Variants in DYSF observed in about 807,000 individuals in gnomAD.
DYSF encodes the protein dysferlin, also known as dystrophy-associated fer-1-like 1.
DYSF carries 212 observed loss-of-function variants against 274.9 expected under a neutral mutation model. The ratio of observed to expected loss-of-function variants is 0.77; its 90% CI spans 0.69 to 0.86. The LOEUF (loss-of-function observed/expected upper bound fraction) is 0.86. Ranked by LOEUF, DYSF falls within the 40% of genes least tolerant of loss-of-function variation. The pLI is 0.00. For missense variants in DYSF, 2,666 were observed against 2,783.2 expected (o/e 0.96, Z 0.95); for synonymous variants, 1,091 against 1,078.7 (o/e 1.01, Z -0.22).
At chr2:71,486,348 A>G (rs1161518499) in intron 3 of DYSF, among the ~76,000 whole-genome samples, 1 of 148,668 alleles carries the variant, frequency 6.7e-6, no homozygotes, top group East Asian at 2.0e-4. Context: ...GGCCTCCCTC[A>G]TTCTTTACAG....
chr2:71,484,016 A>G (rs894041771), intron 3 of DYSF, among the ~76,000 whole-genome samples: 8 of 119,098 alleles, frequency 6.7e-5, no homozygotes, highest in African/African-American at 2.5e-4. Context: ...CTTATTCAGC[A>G]TTTTTACAGG....
At chr2:71,684,795 G>A (rs757970694) in intron 55 of DYSF, among the ~76,000 whole-genome samples, 2 of 152,190 alleles carry the variant, frequency 1.3e-5, no homozygotes, top group African/African-American at 2.4e-5. Context: ...GAGCTCTGTC[G>A]CTGGAGTCAG....
intron 16 of DYSF, among the ~76,000 whole-genome samples, chr2:71,536,962 AAAACC>A (rs1327660237): frequency 1.3e-5 from 2 of 152,102 alleles, no homozygotes; most frequent in African/African-American, 4.8e-5. Context: ...TTTTCATTAA[AAAACC>A]AAACCAAACA....
At chr2:71,540,219 TC>T (rs1256976815) in intron 17 of DYSF, among the ~76,000 whole-genome samples, 2 of 151,520 alleles carry the variant, frequency 1.3e-5, no homozygotes, top group African/African-American at 4.9e-5. Context: ...CAAGCAATTC[TC>T]CTGCCTCAGC....
chr2:71,519,404 C>T (rs957664130), intron 10 of DYSF, among the ~76,000 whole-genome samples: 6 of 151,996 alleles, frequency 3.9e-5, no homozygotes, highest in African/African-American at 7.3e-5. Context: ...AAAAAAAAGA[C>T]GACTTTTTAA....
intron 30 of DYSF, among the ~76,000 whole-genome samples, chr2:71,581,674 T>C (rs2092903117): frequency 6.6e-6 from 1 of 152,228 alleles, no homozygotes; most frequent in Admixed American, 6.5e-5. Flanking sequence ...GACCCCAGGT[T>C]CTGCCAGCTA....
chr2:71,570,494 CAGT>C (rs1366185719), intron 28 of DYSF, 102 bp from the exon 29 acceptor site: 5 of 1,519,750 alleles, frequency 3.3e-6, no homozygotes, highest in Non-Finnish European at 4.5e-6. Context: ...GACCGAGAGT[CAGT>C]GGCCGCTCAA....
chr2:71,657,517 C>T (rs1190266456), intron 43 of DYSF, among the ~76,000 whole-genome samples: 1 of 152,236 alleles, frequency 6.6e-6, no homozygotes, highest in Non-Finnish European at 1.5e-5. Context: ...TTCCCTTCTG[C>T]ATTGCCCTAG....
chr2:71,525,203 GTCTTT>G (rs921839983), intron 12 of DYSF, among the ~76,000 whole-genome samples: 2 of 151,668 alleles, frequency 1.3e-5, no homozygotes, highest in African/African-American at 2.4e-5. Flanking sequence ...TCCCAGGTGA[GTCTTT>G]TCTTTTCCTT....
At chr2:71,624,081 C>T (rs1004303723) in intron 41 of DYSF, among the ~76,000 whole-genome samples, 3 of 151,728 alleles carry the variant, frequency 2.0e-5, no homozygotes, top group African/African-American at 4.8e-5. Context: ...CAAACAACCT[C>T]ACCAAAACAC....
Position 71,611,488 on chromosome 2 carries a change from C to G in DYSF, c.4083C>G (p.Asn1361Lys). The G allele has an allele frequency of 6.2e-7, 1 of 1,614,156 alleles. No individual in the cohort carries two copies. Among genetic ancestry groups the G allele is most frequent in the Non-Finnish European group, 8.5e-7 (1 of 1,180,038 alleles). The change falls in exon 38 of 56, where the codon AAC becomes AAG. Residue 1361 changes from asparagine to lysine, a missense_variant. By Grantham distance (94) the Asn-to-Lys change is moderately conservative. Coordinates refer to ENST00000410020, the MANE Select transcript of DYSF (RefSeq NM_001130987.2). ...AIEILAWGLRNMKSYQLANIS... is the reference protein window; with the variant it reads ...AIEILAWGLRKMKSYQLANIS... ...AGATCCTGGCATGGGGCCTGCGGAA[C>G]ATGAAGAGTTACCAGCTGGCCAACA...
At chr2:71,664,999 A>G (rs1402889632) in intron 46 of DYSF, among the ~76,000 whole-genome samples, 163 bp from the exon 47 acceptor site, 2 of 152,216 alleles carry the variant, frequency 1.3e-5, no homozygotes, top group East Asian at 3.8e-4. Context: ...CTCCATCTGT[A>G]AAATGGGGAT....
In DYSF at chr2:71,667,509, C is replaced by T. The variant is rs727503913; in HGVS notation, c.5451C>T (p.Ile1817=). ...RPLYSPLQPD[I]EQGKLQMWVD... is the part of the protein sequence containing the mutation. ...TCTACAGCCCCCTGCAGCCAGACATCGAGCAGGTAGGACCTTGACCCTTGG... is the reference window on the plus strand; with the variant it reads ...TCTACAGCCCCCTGCAGCCAGACATTGAGCAGGTAGGACCTTGACCCTTGG... Residue 1817 remains isoleucine (I), a synonymous_variant, in exon 48 of 56, where the codon ATC becomes ATT. Transcript: ENST00000410020. The T allele has an allele frequency of 9.9e-6, 16 of 1,613,966 alleles. No homozygotes were observed. Among genetic ancestry groups the T allele is most frequent in the African/African-American group, 5.3e-5 (4 of 74,928 alleles).
intron 42 of DYSF, among the ~76,000 whole-genome samples, chr2:71,653,140 C>T (rs1257088979): frequency 6.6e-6 from 1 of 152,044 alleles, no homozygotes; most frequent in Non-Finnish European, 1.5e-5. Flanking sequence ...GAATGGCGAT[C>T]ATTAAAAAGT....
chr2:71,482,028 T>C, intron 3 of DYSF, 58 bp downstream of exon 3: 1 of 1,423,056 alleles, frequency 7.0e-7, no homozygotes, highest in Non-Finnish European at 9.9e-7. Flanking sequence ...GATTGTGGAG[T>C]ATACAGACTG....
At chr2:71,532,628 G>A (rs1316022968) in intron 14 of DYSF, among the ~76,000 whole-genome samples, 2 of 152,146 alleles carry the variant, frequency 1.3e-5, no homozygotes, top group African/African-American at 4.8e-5. Context: ...AGGTTGAAGT[G>A]TTTGCGATGG....
At chr2:71,454,317 A>C (rs1573207547) in intron 1 of DYSF, among the ~76,000 whole-genome samples, 1 of 152,210 alleles carries the variant, frequency 6.6e-6, no homozygotes, top group African/African-American at 2.4e-5. Context: ...GCTTCAGCCC[A>C]GGTTGGTACT....
rs1559099505 is a variant in DYSF at position 71,535,055 on chromosome 2, C to T, written c.1415C>T (p.Pro472Leu). ...CSKILEKTAN[P>L]QWNQNITLPA... Reference sequence around the variant, plus strand: ...AAGATCTTGGAGAAGACGGCCAACCCTCAGTGGAACCAGAACATCACACTG... The same window carrying T: ...AAGATCTTGGAGAAGACGGCCAACCTTCAGTGGAACCAGAACATCACACTG... Residue 472 changes from proline to leucine, a missense_variant, in exon 15 of 56, where the codon CCT (proline) becomes CTT (leucine). Pro to Leu is a moderately conservative substitution (Grantham distance 98). This residue lies in a region of DYSF where 794 missense variants were observed against 777.1 expected (regional missense o/e 1.02). Transcript: ENST00000410020. The T allele has an allele frequency of 6.2e-7, 1 of 1,614,188 alleles. No individual in the cohort carries two copies. The highest frequency in any genetic ancestry group is 8.5e-7 in the Non-Finnish European group (1 of 1,180,024).
rs577636517 is a variant in DYSF, at chr2:71,571,463, A to AC, written c.3228+723dup. 2.7e-3 allele frequency among the ~76,000 whole-genome samples: 372 copies of AC among 138,604 alleles called. 1 individual carries two copies. Among genetic ancestry groups the AC allele is most frequent in the Non-Finnish European group, 3.5e-3 (230 of 64,812 alleles). The allele number at this position is 138,604 out of a possible 152,430, so 90.9% of individuals were successfully genotyped here. A position where few individuals can be genotyped will look rare whatever the true frequency, so the allele number is the denominator to read the frequency against. ...ATCACACCCAGCACACACACAGATCACACCCAGCACACACACATCACACCC... is the reference window on the plus strand; with the variant it reads ...ATCACACCCAGCACACACACAGATCACCACCCAGCACACACACATCACACCC... On this transcript the variant is annotated intron_variant, in intron 29 of 55. Transcript: ENST00000410020.
Sources: allele counts gnomAD v4.1 joint callset (sites outside exome capture counted in the v4.1 genomes callset), GRCh38; gene constraint gnomAD v4.1.1; regional missense constraint gnomAD v4.1.1; transcripts MANE v1.5; gene names NCBI Gene and HGNC (gene_info 2026-07-23, HGNC 2026-07-21).